Variants in GALNTL6 observed in about 807,000 individuals in gnomAD.
GALNTL6 encodes the protein polypeptide N-acetylgalactosaminyltransferase like 6.
GALNTL6 carries 46 observed loss-of-function variants against 73.7 expected under a neutral mutation model. That is an observed-to-expected ratio of 0.62 (90% CI 0.49 to 0.80). GALNTL6 has a LOEUF of 0.80. GALNTL6 is among the 30% of genes least tolerant of loss of function. GALNTL6 has a pLI of 0.00. For missense variants in GALNTL6, 604 were observed against 755.0 expected, an observed-to-expected ratio of 0.80 and a Z score of 2.34; for synonymous variants, 259 against 263.7, an observed-to-expected ratio of 0.98 and a Z score of 0.17.
chr4:172,025,691 G>A (rs1741547927), intron 2 of GALNTL6, among the ~76,000 whole-genome samples: 1 of 151,848 alleles, frequency 6.6e-6, no homozygotes, highest in African/African-American at 2.4e-5. Flanking sequence ...TTTAATAACT[G>A]CTAAATATTG....
chr4:172,161,895 T>C (rs1419860999), intron 2 of GALNTL6, among the ~76,000 whole-genome samples: 2 of 151,934 alleles, frequency 1.3e-5, no homozygotes, highest in African/African-American at 2.4e-5. Flanking sequence ...AGAAATAGTA[T>C]GTAAATATCT....
chr4:172,420,263 TAAG>T (rs1191672810), intron 5 of GALNTL6, among the ~76,000 whole-genome samples: 2 of 152,200 alleles, frequency 1.3e-5, no homozygotes, highest in African/African-American at 4.8e-5. Flanking sequence ...CTTACATTGT[TAAG>T]AAGATTCCCC....
At chr4:172,896,575 C>A (rs990720949) in intron 8 of GALNTL6, among the ~76,000 whole-genome samples, 1 of 152,150 alleles carries the variant, frequency 6.6e-6, no homozygotes, top group African/African-American at 2.4e-5. Flanking sequence ...AGGATGGATC[C>A]TCAATTGCAA....
At chr4:172,526,805 C>T (rs2110833285) in intron 5 of GALNTL6, among the ~76,000 whole-genome samples, 1 of 152,222 alleles carries the variant, frequency 6.6e-6, no homozygotes, top group African/African-American at 2.4e-5. Flanking sequence ...TTTCTAATCC[C>T]TATCCTTCCA....
chr4:171,955,325 A>G (rs1739008507), intron 2 of GALNTL6, among the ~76,000 whole-genome samples: 3 of 151,998 alleles, frequency 2.0e-5, no homozygotes, highest in African/African-American at 7.2e-5. Context: ...TAATATATAT[A>G]CACCTTTTTA....
At chr4:172,101,372 A>G in intron 2 of GALNTL6, among the ~76,000 whole-genome samples, 1 of 152,206 alleles carries the variant, frequency 6.6e-6, no homozygotes, top group East Asian at 1.9e-4. Flanking sequence ...TGGGGAGCCT[A>G]ATACTGAAAC....
chr4:172,690,579 A>G lies in GALNTL6; in HGVS notation c.554-118782A>G, dbSNP rs188446793. 5.9e-5 allele frequency among the ~76,000 whole-genome samples: 9 copies of G among 152,360 alleles called. No homozygotes were observed. The East Asian group carries it at 1.7e-3, about 29-fold the overall frequency. On this transcript the variant is annotated intron_variant, in intron 5 of 12. Coordinates refer to ENST00000506823, the MANE Select transcript of GALNTL6 (RefSeq NM_001034845.3). ...CAACTCAAAGAGTGAAATCACTTCC[A>G]GTTGCAAAAACAATGGAATTGACTC...
At chr4:171,980,978 T>C (rs1038403638) in intron 2 of GALNTL6, among the ~76,000 whole-genome samples, 1 of 152,228 alleles carries the variant, frequency 6.6e-6, no homozygotes, top group African/African-American at 2.4e-5. Flanking sequence ...AATCAAGTGT[T>C]ATAAATGAAA....
chr4:172,089,878 T>C (rs540694492), intron 2 of GALNTL6, among the ~76,000 whole-genome samples: 1 of 152,174 alleles, frequency 6.6e-6, no homozygotes, highest in African/African-American at 2.4e-5. Flanking sequence ...AAGGCCCCAG[T>C]GTGTAATGTT....
At chr4:172,445,805 G>A (rs1207301052) in intron 5 of GALNTL6, among the ~76,000 whole-genome samples, 3 of 152,094 alleles carry the variant, frequency 2.0e-5, no homozygotes, top group Admixed American at 2.0e-4. Context: ...GTTATTCATT[G>A]AGAAGATGGT....
intron 5 of GALNTL6, among the ~76,000 whole-genome samples, chr4:172,481,749 G>T (rs1733489175): frequency 6.6e-6 from 1 of 152,178 alleles, no homozygotes; most frequent in Admixed American, 6.5e-5. Flanking sequence ...AGTGCTGATT[G>T]GTACATATAT....
At chr4:171,988,388 T>C (rs949412906) in intron 2 of GALNTL6, among the ~76,000 whole-genome samples, 4 of 152,178 alleles carry the variant, frequency 2.6e-5, no homozygotes, top group Non-Finnish European at 5.9e-5. Context: ...AGGGGCTGTC[T>C]GTGAAGCCTT....
chr4:172,351,570 ACTC>A (rs1294031230), intron 5 of GALNTL6, among the ~76,000 whole-genome samples: 2 of 152,024 alleles, frequency 1.3e-5, no homozygotes, highest in Non-Finnish European at 2.9e-5. Flanking sequence ...AACTTTTTCT[ACTC>A]CTTTTTATTC....
chr4:171,941,032 G>A (rs1738525626), intron 2 of GALNTL6, among the ~76,000 whole-genome samples: 1 of 151,914 alleles, frequency 6.6e-6, no homozygotes, highest in African/African-American at 2.4e-5. Flanking sequence ...GTCAATACCA[G>A]GAGAATTAAT....
intron 4 of GALNTL6, among the ~76,000 whole-genome samples, chr4:172,326,249 T>A (rs937185257): frequency 6.6e-6 from 1 of 151,968 alleles, no homozygotes; most frequent in African/African-American, 2.4e-5. Context: ...CTCAAATCCA[T>A]AATTTAAGGT....
intron 5 of GALNTL6, among the ~76,000 whole-genome samples, chr4:172,520,383 A>C (rs538261768): frequency 6.6e-6 from 1 of 152,138 alleles, no homozygotes; most frequent in South Asian, 2.1e-4. Flanking sequence ...ACAACTGTTA[A>C]TGGAAATTAT....
At chr4:172,040,855 T>C (rs1742069621) in intron 2 of GALNTL6, among the ~76,000 whole-genome samples, 1 of 152,114 alleles carries the variant, frequency 6.6e-6, no homozygotes, top group African/African-American at 2.4e-5. Flanking sequence ...ATTAATGTCA[T>C]ATATCTATTG....
At chr4:172,304,606 T>C (rs1410351514) in intron 3 of GALNTL6, among the ~76,000 whole-genome samples, 1 of 152,188 alleles carries the variant, frequency 6.6e-6, no homozygotes, top group Non-Finnish European at 1.5e-5. Context: ...AAAACACTGA[T>C]TTATGTTTCT....
At chr4:173,011,353 T>C (rs1281755204) in intron 11 of GALNTL6, among the ~76,000 whole-genome samples, 1 of 152,232 alleles carries the variant, frequency 6.6e-6, no homozygotes, top group Non-Finnish European at 1.5e-5. Flanking sequence ...AGAAGCTTTT[T>C]AGTTTGATGT....
Sources: allele counts gnomAD v4.1 joint callset (sites outside exome capture counted in the v4.1 genomes callset), GRCh38; gene constraint gnomAD v4.1.1; transcripts MANE v1.5; gene names NCBI Gene and HGNC (gene_info 2026-07-23, HGNC 2026-07-21).